The following ESCO1 variants were observed in gnomAD, a reference collection of about 807,000 sequenced individuals.
ESCO1 encodes establishment of sister chromatid cohesion N-acetyltransferase 1, also known as N-acetyltransferase ESCO1.
Under a neutral mutation model 83.5 loss-of-function variants are expected in ESCO1, and 33 were observed. The observed-to-expected ratio is 0.40, with a 90% CI of 0.30 to 0.53. The LOEUF (loss-of-function observed/expected upper bound fraction) is 0.53. ESCO1 is among the 20% of genes least tolerant of loss of function. The pLI is 0.63. For synonymous variants in ESCO1, 332 were observed against 324.3 expected (o/e 1.02, Z -0.25); for missense variants, 855 against 968.0 (o/e 0.88, Z 1.55).
At chr18:21,587,200 T>C (rs979985708) in intron 1 of ESCO1, among the ~76,000 whole-genome samples, 11 of 152,216 alleles carry the variant, frequency 7.2e-5, no homozygotes, top group African/African-American at 2.7e-4. Flanking sequence ...GTAGTTTTCT[T>C]GTGATGTCTT....
At chr18:21,599,521 C>T (rs118156801) in intron 1 of ESCO1, among the ~76,000 whole-genome samples, 2,282 of 152,272 alleles carry the variant, frequency 0.015, 34 homozygotes, top group Non-Finnish European at 0.018. Flanking sequence ...GGGGGACTAA[C>T]CACACCTTAT....
intron 1 of ESCO1, among the ~76,000 whole-genome samples, chr18:21,587,210 T>C (rs1211140880): frequency 6.6e-6 from 1 of 152,232 alleles, no homozygotes; most frequent in Non-Finnish European, 1.5e-5. Flanking sequence ...TGTGATGTCT[T>C]TGCCTAGTAC....
chr18:21,581,804 G>C (rs532593165), intron 2 of ESCO1, among the ~76,000 whole-genome samples: 1 of 151,808 alleles, frequency 6.6e-6, no homozygotes, highest in South Asian at 2.1e-4. Context: ...GATTGCTTGA[G>C]CCCAGGAGTT....
chr18:21,535,324 C>T (rs2037821543), intron 10 of ESCO1, among the ~76,000 whole-genome samples: 1 of 151,730 alleles, frequency 6.6e-6, no homozygotes, highest in Non-Finnish European at 1.5e-5. Context: ...AAGCGATTCT[C>T]CTGCCTTAGC....
chr18:21,600,591 G>A (rs749159309), intron 1 of ESCO1, 32 bp downstream of exon 1: 3 of 152,414 alleles, frequency 2.0e-5, no homozygotes, highest in Non-Finnish European at 4.4e-5. Context: ...TGAAGACACA[G>A]GCGGCGGGGA....
intron 1 of ESCO1, among the ~76,000 whole-genome samples, chr18:21,597,411 C>A (rs893679478): frequency 6.6e-6 from 1 of 151,422 alleles, no homozygotes. Context: ...TGTAGTCCCA[C>A]CTATTTGGGA....
At chr18:21,532,094 ATTC>A (rs1208607949) in intron 11 of ESCO1, among the ~76,000 whole-genome samples, 1 of 152,176 alleles carries the variant, frequency 6.6e-6, no homozygotes, top group Non-Finnish European at 1.5e-5. Context: ...TACAAATAAT[ATTC>A]TTGAATTAAG....
At chr18:21,580,060 C>T (rs71358432) in intron 2 of ESCO1, among the ~76,000 whole-genome samples, 1 of 151,274 alleles carries the variant, frequency 6.6e-6, no homozygotes, top group African/African-American at 2.4e-5. Context: ...CACACCCAGC[C>T]AATGTTTTTT....
chr18:21,577,966 T>C (rs1456498000), intron 2 of ESCO1, among the ~76,000 whole-genome samples: 5 of 152,202 alleles, frequency 3.3e-5, no homozygotes, highest in African/African-American at 1.2e-4. Context: ...CTGATCGTTC[T>C]GAAGATGAGT....
At chr18:21,561,736 A>G (rs950647742) in intron 7 of ESCO1, among the ~76,000 whole-genome samples, 2 of 149,770 alleles carry the variant, frequency 1.3e-5, no homozygotes, top group African/African-American at 4.9e-5. Flanking sequence ...CCACCTGGCT[A>G]ATTTTTATAT....
At chr18:21,576,341 C>A (rs1436403192) in intron 2 of ESCO1, among the ~76,000 whole-genome samples, 1 of 152,022 alleles carries the variant, frequency 6.6e-6, no homozygotes, top group African/African-American at 2.4e-5. Flanking sequence ...TCTGTCTCTA[C>A]AAAAATTAAA....
At chr18:21,597,338 T>G (rs2038781112) in intron 1 of ESCO1, among the ~76,000 whole-genome samples, 1 of 152,072 alleles carries the variant, frequency 6.6e-6, no homozygotes, top group Non-Finnish European at 1.5e-5. Context: ...ACTAACTTAT[T>G]TTGGAATATA....
intron 9 of ESCO1, among the ~76,000 whole-genome samples, chr18:21,537,087 C>G (rs2037847222): frequency 6.6e-6 from 1 of 152,180 alleles, no homozygotes. Flanking sequence ...GAAAATCAAG[C>G]AGCAGAGTCA....
chr18:21,569,697 T>C (rs1019619726), intron 4 of ESCO1, among the ~76,000 whole-genome samples: 6 of 151,974 alleles, frequency 3.9e-5, no homozygotes, highest in Non-Finnish European at 7.4e-5. Flanking sequence ...GTGATCGAGA[T>C]CATGCCATTG....
At chr18:21,536,691 G>A (rs2037842553) in intron 9 of ESCO1, among the ~76,000 whole-genome samples, 1 of 152,070 alleles carries the variant, frequency 6.6e-6, no homozygotes, top group Non-Finnish European at 1.5e-5. Context: ...AGAACTGGAG[G>A]GGGATGCCAA....
intron 1 of ESCO1, among the ~76,000 whole-genome samples, chr18:21,597,958 T>C (rs1598484406): frequency 6.6e-6 from 1 of 152,274 alleles, no homozygotes; most frequent in East Asian, 1.9e-4. Flanking sequence ...ACAGCTATAA[T>C]ACAGAACTTA....
chr18:21,574,748 T>G lies in ESCO1; in HGVS notation c.96A>C (p.Gln32His). ...KNSETEIQDS[Q>H]KNLAKKSGPK... is the part of the protein sequence containing the mutation. ...GACCTGATTTTTTTGCTAGATTCTT[T>G]TGAGAATCCTGAATTTCTGTTTCTG... The change falls in exon 4 of 12, where the codon CAA becomes CAC. Residue 32 changes from glutamine (Q) to histidine (H), a missense_variant. Physicochemically the swap from Gln to His is conservative, Grantham distance 24. Around this residue, in one of 2 missense-constraint regions of ESCO1, gnomAD observed 726 missense variants for 699.5 expected, o/e 1.04. Transcript: ENST00000269214. 6.2e-7 allele frequency: 1 copy of G among 1,609,472 alleles called. No individual in the cohort carries two copies. The highest frequency in any genetic ancestry group is 8.5e-7 in the Non-Finnish European group (1 of 1,179,838).
chr18:21,552,827 T>C (rs1392360181), intron 8 of ESCO1, among the ~76,000 whole-genome samples: 1 of 152,134 alleles, frequency 6.6e-6, no homozygotes, highest in Non-Finnish European at 1.5e-5. Flanking sequence ...CTCACAAAAA[T>C]TAACTCAAAA....
chr18:21,542,337 C>T (rs1198145490), intron 8 of ESCO1, among the ~76,000 whole-genome samples: 1 of 152,120 alleles, frequency 6.6e-6, no homozygotes, highest in East Asian at 1.9e-4. Flanking sequence ...CAGGCGTGCA[C>T]CACCATGCCA....
Sources: gnomAD v4.1 joint callset for allele counts (sites outside exome capture counted in the v4.1 genomes callset) on GRCh38, gnomAD v4.1.1 for gene constraint, gnomAD v4.1.1 regional missense constraint, MANE v1.5 for transcripts, NCBI Gene and HGNC (gene_info 2026-07-23, HGNC 2026-07-21) for gene names.